PNKD: variants seen among roughly 807,000 people sequenced by gnomAD.
PNKD encodes PNKD metallo-beta-lactamase domain containing, also known as probable thioesterase PNKD.
In PNKD, 36 loss-of-function variants were observed where a neutral mutation model predicts 45.3. The observed-to-expected ratio is 0.80, with a 90% CI of 0.61 to 1.05. The LOEUF is 1.05. Among genes scored for constraint, PNKD ranks in the 50% least tolerant of loss-of-function variants. The pLI is 0.00. For missense variants in PNKD, 511 were observed against 506.6 expected, an observed-to-expected ratio of 1.01 and a Z score of -0.08; for synonymous variants, 197 against 210.1, an observed-to-expected ratio of 0.94 and a Z score of 0.54.
rs142973947 is a variant in PNKD at position 218,275,680 on chromosome 2, T to C, written c.236+4131T>C. The stretch of plus-strand genomic sequence containing the variant: ...AGGCATCAGTGTCCAGAGCTCATTT[T>C]TGGTCAGCAGATTTGTCTTGGGGGC... On this transcript the variant is annotated intron_variant, in intron 2 of 9. Coordinates refer to ENST00000273077, the MANE Select transcript of PNKD (RefSeq NM_015488.5). 608 of 1,570,272 alleles carry C rather than the reference T, an allele frequency of 3.9e-4. 6 individuals carry two copies. The East Asian group carries it at 0.013, about 34-fold the overall frequency.
rs1180041459 is a variant in PNKD, at chr2:218,343,449, C to T, written c.782-51C>T. On this transcript the variant is annotated intron_variant, in intron 7 of 9. Coordinates refer to ENST00000273077, the MANE Select transcript of PNKD (RefSeq NM_015488.5). Reference sequence around the variant, plus strand: ...CCACCTGTCTGGGTGTGCCTTATGCCATATTGTGTTATCCTGGCACCTTGT... The same window carrying T: ...CCACCTGTCTGGGTGTGCCTTATGCTATATTGTGTTATCCTGGCACCTTGT... 6 of 1,403,786 alleles carry T rather than the reference C, an allele frequency of 4.3e-6. No individual in the cohort carries two copies. The African/African-American group carries it at 8.5e-5, about 20-fold the overall frequency. The allele number at this position is 1,403,786 out of a possible 1,614,324, so 87.0% of individuals were successfully genotyped here.
At chr2:218,312,936 A>AT (rs1236087045) in intron 2 of PNKD, among the ~76,000 whole-genome samples, 6 of 151,604 alleles carry the variant, frequency 4.0e-5, no homozygotes, top group East Asian at 1.9e-4. Flanking sequence ...TATGTGTTCT[A>AT]TTTTTTTAAC....
intron 2 of PNKD, among the ~76,000 whole-genome samples, chr2:218,328,766 A>G (rs1694227955): frequency 6.6e-6 from 1 of 152,222 alleles, no homozygotes; most frequent in South Asian, 2.1e-4. Context: ...TTCTCCATGA[A>G]GCCTGCCCGG....
intron 2 of PNKD, among the ~76,000 whole-genome samples, chr2:218,296,748 G>A (rs998699261): frequency 2.0e-5 from 3 of 151,852 alleles, no homozygotes; most frequent in Admixed American, 6.6e-5. Context: ...GCATGATCTC[G>A]GCTCCCTGCA....
In PNKD at chr2:218,330,414, A is replaced by G. The variant is rs562876329; in HGVS notation, c.237-9369A>G. On this transcript the variant is annotated intron_variant, in intron 2 of 9. Transcript: ENST00000273077. ...GTGGCTCACTGTCCCCAGCTGTCCC[A>G]CATTGCCTCCCACGGGGCTGGAGGC... Among the ~76,000 whole-genome samples, 17 of 152,310 alleles carry G rather than the reference A, an allele frequency of 1.1e-4. No individual in the cohort carries two copies. In the South Asian group the frequency reaches 3.5e-3, roughly 32 times the overall value.
chr2:218,328,745 C>T (rs924591182), intron 2 of PNKD, among the ~76,000 whole-genome samples: 5 of 152,240 alleles, frequency 3.3e-5, no homozygotes, highest in Non-Finnish European at 7.3e-5. Context: ...AAGCTTGGCT[C>T]AGGTGCCCTT....
intron 2 of PNKD, among the ~76,000 whole-genome samples, chr2:218,306,189 A>G (rs1693397959): frequency 6.6e-6 from 1 of 152,182 alleles, no homozygotes; most frequent in Non-Finnish European, 1.5e-5. Flanking sequence ...GGCTGAGACC[A>G]TGTCGCTAAA....
At chr2:218,301,572 A>G (rs1372519171) in intron 2 of PNKD, among the ~76,000 whole-genome samples, 7 of 152,158 alleles carry the variant, frequency 4.6e-5, no homozygotes, top group Non-Finnish European at 1.0e-4. Flanking sequence ...GCATGGCTTG[A>G]GCCCAGGAGT....
chr2:218,293,580 CTTTT>C (rs34887009), intron 2 of PNKD, among the ~76,000 whole-genome samples: 2 of 98,690 alleles, frequency 2.0e-5, no homozygotes, highest in East Asian at 5.7e-4. Context: ...ACTGAATGTC[CTTTT>C]TTTTTTTTTT....
At chr2:218,344,427 T>C in intron 8 of PNKD, 28 bp from the exon 9 acceptor site, 1 of 1,473,478 alleles carries the variant, frequency 6.8e-7, no homozygotes, top group Non-Finnish European at 9.3e-7. Flanking sequence ...CTCTCTGCTC[T>C]GTGTCTCACC....
intron 3 of PNKD, 42 bp from the exon 4 acceptor site, chr2:218,339,987 T>G (rs1694623667): frequency 5.4e-6 from 8 of 1,484,074 alleles, no homozygotes; most frequent in Non-Finnish European, 7.5e-6. Context: ...GCCCCTGGGC[T>G]CCCTGCCTGT....
chr2:218,275,462 GGGGGC>G, intron 2 of PNKD: 1 of 1,609,390 alleles, frequency 6.2e-7, no homozygotes, highest in Non-Finnish European at 8.5e-7. Flanking sequence ...GGGTGAAAAT[GGGGGC>G]TTGCTCCTTA....
intron 2 of PNKD, among the ~76,000 whole-genome samples, chr2:218,301,391 C>G (rs565613199): frequency 6.6e-6 from 1 of 152,124 alleles, no homozygotes; most frequent in Non-Finnish European, 1.5e-5. Flanking sequence ...TTACTTTTAA[C>G]AAGTCAAAAA....
chr2:218,270,804 T>A, intron 1 of PNKD: 1 of 406,230 alleles, frequency 2.5e-6, no homozygotes, highest in Admixed American at 4.3e-5. Context: ...ACCTCCGGGG[T>A]CTTGCTGCAA....
chr2:218,342,473 G>T (rs1202685274), intron 7 of PNKD, among the ~76,000 whole-genome samples: 2 of 152,078 alleles, frequency 1.3e-5, no homozygotes, highest in African/African-American at 4.8e-5. Context: ...GCTGAGGTGG[G>T]AGGATCACCT....
chr2:218,278,949 T>C (rs917833743), intron 2 of PNKD: 23 of 1,513,630 alleles, frequency 1.5e-5, no homozygotes, highest in Admixed American at 3.7e-5. Flanking sequence ...AAAAAGCATT[T>C]TGATCCTGCC....
In PNKD at chr2:218,303,091, C is replaced by G. The variant is rs564233272; in HGVS notation, c.236+31542C>G. ...AGTAGCTGGGATTACAGGTGCCCAC[C>G]ACCATGCCCAGCTAATTTGTTTGTA... On this transcript the variant is annotated intron_variant, in intron 2 of 9. Transcript: ENST00000273077. Among the ~76,000 whole-genome samples the G allele has an allele frequency of 2.6e-5, 4 of 152,254 alleles. No individual in the cohort carries two copies. The South Asian group carries it at 8.3e-4, about 32-fold the overall frequency.
In PNKD at chr2:218,280,040, T is replaced by C. The variant is rs763772723; in HGVS notation, c.236+8491T>C. On this transcript the variant is annotated intron_variant, in intron 2 of 9. Transcript: ENST00000273077. Reference sequence around the variant, plus strand: ...GCGTATCTTACCTTTCGGATAAAAGTGTGTCGCACTTTCCGGTCATCCCAC... The same window carrying C: ...GCGTATCTTACCTTTCGGATAAAAGCGTGTCGCACTTTCCGGTCATCCCAC... The C allele has an allele frequency of 3.7e-6, 6 of 1,613,902 alleles. No individual in the cohort carries two copies. The African/African-American group carries it at 4.0e-5, about 11-fold the overall frequency.
chr2:218,303,188 ACCTTGGCCTCCCAAAAGTGTAAT>A (rs1693316876), intron 2 of PNKD, among the ~76,000 whole-genome samples: 1 of 152,040 alleles, frequency 6.6e-6, no homozygotes, highest in Non-Finnish European at 1.5e-5. Flanking sequence ...TGATCTGCCC[ACCTTGGCCTCCCAAAAGTGTAAT>A]CCTTGGGATT....
Sources: allele counts gnomAD v4.1 joint callset (sites outside exome capture counted in the v4.1 genomes callset), GRCh38; gene constraint gnomAD v4.1.1; transcripts MANE v1.5; gene names NCBI Gene and HGNC (gene_info 2026-07-23, HGNC 2026-07-21).